MARCKSL1: variants seen among roughly 807,000 people sequenced by gnomAD.
MARCKSL1 encodes MARCKS like 1, also known as MARCKS-related protein.
MARCKSL1 carries 5 observed loss-of-function variants against 13.3 expected under a neutral mutation model. The ratio of observed to expected loss-of-function variants is 0.38; its 90% confidence interval spans 0.20 to 0.79. The LOEUF is 0.79. MARCKSL1 is among the 30% of genes least tolerant of loss of function. The probability of loss-of-function intolerance (pLI) is 0.45; values close to 1 mark genes in which losing one functional copy is unlikely to be tolerated. For missense variants in MARCKSL1, 274 were observed against 251.6 expected (o/e 1.09, Z -0.60); for synonymous variants, 126 against 103.2 (o/e 1.22, Z -1.34).
In MARCKSL1 at chr1:32,335,179, C is replaced by T. The variant is rs1641365834; in HGVS notation, c.88-82G>A. 7.3e-6 allele frequency: 10 copies of T among 1,368,750 alleles called. No individual in the cohort carries two copies. Among genetic ancestry groups the T allele is most frequent in the Middle Eastern group, 2.0e-4 (1 of 5,120 alleles). 84.8% of individuals were successfully genotyped at this position (1,368,750 alleles called of 1,614,324 possible). ...TCTGATCCCTTCTAGAGGAAGGGGT[C>T]CTCGATTCGATTCTACTGCAACCCG... is the stretch of plus-strand genomic sequence containing the variant. On this transcript the variant is annotated intron_variant, in intron 1 of 1. Transcript: ENST00000329421. This position sits in a 1 kb window ranked among gnomAD's most constrained non-coding sequence, Gnocchi z 4.1.
chr1:32,334,643 C>G lies in MARCKSL1; in HGVS notation c.542G>C (p.Gly181Ala), dbSNP rs1641352628. 6.2e-7 allele frequency: 1 copy of G among 1,600,084 alleles called. No homozygotes were observed. Among genetic ancestry groups the G allele is most frequent in the Non-Finnish European group, 8.5e-7 (1 of 1,173,310 alleles). ...GGCTGGTGTAGGGCCACTCTCCGGC[C>G]CCGAGGGAGTGGATGGCTCTGTAGC... The part of the protein sequence containing the change: ...PQATEPSTPS[G>A]PESGPTPASA... Residue 181 changes from glycine to alanine, a missense_variant, in exon 2 of 2, where the codon GGG becomes GCG. Physicochemically the swap from Gly to Ala is moderately conservative, Grantham distance 60 (BLOSUM62 0). Transcript: ENST00000329421.
Position 32,334,560 on chromosome 1 carries a change from T to C in MARCKSL1, c.*37A>G, listed in dbSNP as rs1641350536. On this transcript the variant is annotated 3_prime_UTR_variant, in exon 2 of 2. Coordinates refer to ENST00000329421, the MANE Select transcript of MARCKSL1 (RefSeq NM_023009.7). ...GTGACCTCACAAGGACAGCACAGTT[T>C]TTGCAGCTTAGAGATCACCCACCTG... is the stretch of plus-strand genomic sequence containing the variant. 3.3e-6 allele frequency: 5 copies of C among 1,506,660 alleles called. No homozygotes were observed. In the African/African-American group the frequency reaches 5.6e-5, roughly 17 times the overall value. 93.3% of individuals were successfully genotyped at this position (1,506,660 alleles called of 1,614,324 possible). A position where few individuals can be genotyped will look rare whatever the true frequency, so the allele number is the denominator to read the frequency against.
Position 32,334,970 on chromosome 1 carries a change from T to A in MARCKSL1, c.215A>T (p.Gln72Leu). The change falls in exon 2 of 2, where the codon CAG becomes CTG. Residue 72 changes from glutamine to leucine, a missense_variant. Physicochemically the swap from Gln to Leu is moderately radical, Grantham distance 113. Coordinates refer to ENST00000329421, the MANE Select transcript of MARCKSL1 (RefSeq NM_023009.7). ...GDAIEPAPPS[Q>L]GAEAKGEVPP... The stretch of plus-strand genomic sequence containing the variant: ...GACCTCCCCCTTGGCCTCAGCACCC[T>A]GGCTAGGGGGTGCTGGCTCGATGGC... 1 of 1,612,500 alleles carries A rather than the reference T, an allele frequency of 6.2e-7. No homozygotes were observed. The highest frequency in any genetic ancestry group is 1.7e-5 in the Admixed American group (1 of 59,882).
chr1:32,334,714 C>G lies in MARCKSL1; in HGVS notation c.471G>C (p.Lys157Asn). The G allele has an allele frequency of 1.2e-6, 2 of 1,612,708 alleles. No individual in the cohort carries two copies. Among genetic ancestry groups the G allele is most frequent in the African/African-American group, 1.3e-5 (1 of 74,996 alleles). ...CTGAGGCTGCACTAGCCTCTGCCCC[C>G]TTGGCCTGGGGTTCCTGGCTCTCAG... Reference protein sequence around the residue: ...ATPESQEPQAKGAEASAASEE... With the variant: ...ATPESQEPQANGAEASAASEE... Residue 157 changes from lysine (K) to asparagine (N), a missense_variant, in exon 2 of 2, where the codon AAG becomes AAC. Coordinates refer to ENST00000329421, the MANE Select transcript of MARCKSL1 (RefSeq NM_023009.7).
rs754582850 is a variant in MARCKSL1 at position 32,335,973 on chromosome 1, C to T, written c.61G>A (p.Ala21Thr). 1.5e-6 allele frequency: 2 copies of T among 1,294,754 alleles called. No homozygotes were observed. The highest frequency in any genetic ancestry group is 3.1e-5 in the South Asian group (1 of 32,568). 80.2% of individuals were successfully genotyped at this position (1,294,754 alleles called of 1,614,324 possible). A position where few individuals can be genotyped will look rare whatever the true frequency, so the allele number is the denominator to read the frequency against. ...TGGCCGTTGGCCTTCGCGGGGGAAG[C>T]GCCTGCTGCCTCCTCGGCGGTCACG... ...GDVTAEEAAG[A>T]SPAKANGQEN... is the part of the protein sequence containing the mutation. Residue 21 changes from alanine (A) to threonine (T), a missense_variant, in exon 1 of 2, where the codon GCT becomes ACT. Physicochemically the swap from Ala to Thr is moderately conservative, Grantham distance 58. Transcript: ENST00000329421. The surrounding 1 kb of genome is among the most constrained non-coding windows in gnomAD (Gnocchi z 4.1).
At position 32,335,965 on chromosome 1, in the gene MARCKSL1, G is replaced by T. The variant is rs765921559; in HGVS notation, c.69C>A (p.Pro23=). The change falls in exon 1 of 2, where the codon CCC becomes CCA. Residue 23 remains proline (P), a synonymous_variant. Transcript: ENST00000329421. This position sits in a 1 kb window ranked among gnomAD's most constrained non-coding sequence, Gnocchi z 4.1. ...VTAEEAAGAS[P]AKANGQENGH... is the part of the protein sequence containing the mutation. ...TACCCACCTGGCCGTTGGCCTTCGC[G>T]GGGGAAGCGCCTGCTGCCTCCTCGG... 4 of 1,293,544 alleles carry T rather than the reference G, an allele frequency of 3.1e-6. No individual in the cohort carries two copies. Among genetic ancestry groups the T allele is most frequent in the Non-Finnish European group, 3.9e-6 (4 of 1,017,720 alleles). 80.1% of individuals were successfully genotyped at this position (1,293,544 alleles called of 1,614,324 possible). A position where few individuals can be genotyped will look rare whatever the true frequency, so the allele number is the denominator to read the frequency against.
rs1375341254 is a variant in MARCKSL1 at position 32,335,915 on chromosome 1, G to A, written c.87+32C>T. On this transcript the variant is annotated intron_variant, in intron 1 of 1. Transcript: ENST00000329421. This position sits in a 1 kb window ranked among gnomAD's most constrained non-coding sequence, Gnocchi z 4.1. ...TAGAAGGGGCGAGGTGCGAGAGGAGGGGCTGGGGCCGGCCGGGCCAAGCGT... is the reference window on the plus strand; with the variant it reads ...TAGAAGGGGCGAGGTGCGAGAGGAGAGGCTGGGGCCGGCCGGGCCAAGCGT... The A allele has an allele frequency of 5.6e-6, 7 of 1,250,586 alleles. No homozygotes were observed. The Admixed American group carries it at 1.9e-4, about 34-fold the overall frequency. The allele number at this position is 1,250,586 out of a possible 1,614,324, so 77.5% of individuals were successfully genotyped here.
rs1457489171 is a variant in MARCKSL1 at position 32,335,334 on chromosome 1, C to A, written c.88-237G>T. 1.3e-5 allele frequency among the ~76,000 whole-genome samples: 2 copies of A among 152,058 alleles called. No individual in the cohort carries two copies. Among genetic ancestry groups the A allele is most frequent in the Non-Finnish European group, 2.9e-5 (2 of 67,952 alleles). ...GGAGGCGCTGGGGTCCCGTGGCCCCCACCCCCGTCCCCCGGGGCGCGCTCT... is the reference window on the plus strand; with the variant it reads ...GGAGGCGCTGGGGTCCCGTGGCCCCAACCCCCGTCCCCCGGGGCGCGCTCT... On this transcript the variant is annotated intron_variant, in intron 1 of 1. Coordinates refer to ENST00000329421, the MANE Select transcript of MARCKSL1 (RefSeq NM_023009.7). This position sits in a 1 kb window ranked among gnomAD's most constrained non-coding sequence, Gnocchi z 4.1.
Position 32,334,568 on chromosome 1 carries a change from T to C in MARCKSL1, c.*29A>G, listed in dbSNP as rs772482165. On this transcript the variant is annotated 3_prime_UTR_variant, in exon 2 of 2. Transcript: ENST00000329421. ...ACAAGGACAGCACAGTTTTTGCAGC[T>C]TAGAGATCACCCACCTGCCCCTACC... 2 of 1,515,066 alleles carry C rather than the reference T, an allele frequency of 1.3e-6. No homozygotes were observed. The highest frequency in any genetic ancestry group is 1.8e-6 in the Non-Finnish European group (2 of 1,132,628). 93.9% of individuals were successfully genotyped at this position (1,515,066 alleles called of 1,614,324 possible).
Position 32,335,971 on chromosome 1 carries a change from AGCGCCTGCT to A in MARCKSL1, c.54_62del (p.Ala19_Ala21del), listed in dbSNP as rs779392724. The A allele has an allele frequency of 2.3e-6, 3 of 1,292,306 alleles. No homozygotes were observed. The South Asian group carries it at 9.2e-5, about 40-fold the overall frequency. 80.1% of individuals were successfully genotyped at this position (1,292,306 alleles called of 1,614,324 possible). On this transcript the variant is annotated inframe_deletion, in exon 1 of 2. Coordinates refer to ENST00000329421, the MANE Select transcript of MARCKSL1 (RefSeq NM_023009.7). This position sits in a 1 kb window ranked among gnomAD's most constrained non-coding sequence, Gnocchi z 4.1. ...CCTGGCCGTTGGCCTTCGCGGGGGA[AGCGCCTGCT>A]GCCTCCTCGGCGGTCACGTCGCCCC...
chr1:32,335,871 C>A lies in MARCKSL1; in HGVS notation c.87+76G>T. 2 of 872,194 alleles carry A rather than the reference C, an allele frequency of 2.3e-6. No individual in the cohort carries two copies. The highest frequency in any genetic ancestry group is 1.5e-6 in the Non-Finnish European group (1 of 661,302). The allele number at this position is 872,194 out of a possible 1,614,324, so 54.0% of individuals were successfully genotyped here. On this transcript the variant is annotated intron_variant, in intron 1 of 1. Transcript: ENST00000329421. This position sits in a 1 kb window ranked among gnomAD's most constrained non-coding sequence, Gnocchi z 4.1. ...CCGGGCCGGACAAAGCGCGCGGCCC[C>A]GGCCCCGGCCCCGGGCCCTAGAAGG...
rs1411644035 is a variant in MARCKSL1 at position 32,334,583 on chromosome 1, C to CT, written c.*13dup. ...TTTTTGCAGCTTAGAGATCACCCACCTGCCCCTACCTAGCTACTCATTCTG... is the reference window on the plus strand; with the variant it reads ...TTTTTGCAGCTTAGAGATCACCCACCTTGCCCCTACCTAGCTACTCATTCTG... On this transcript the variant is annotated 3_prime_UTR_variant, in exon 2 of 2. Coordinates refer to ENST00000329421, the MANE Select transcript of MARCKSL1 (RefSeq NM_023009.7). 3 of 1,522,396 alleles carry CT rather than the reference C, an allele frequency of 2.0e-6. No individual in the cohort carries two copies. Among genetic ancestry groups the CT allele is most frequent in the Middle Eastern group, 2.4e-4 (1 of 4,192 alleles). The allele number at this position is 1,522,396 out of a possible 1,614,324, so 94.3% of individuals were successfully genotyped here. A position where few individuals can be genotyped will look rare whatever the true frequency, so the allele number is the denominator to read the frequency against.
At position 32,334,470 on chromosome 1, in the gene MARCKSL1, GGGA is replaced by G; in HGVS notation, c.*124_*126del. The G allele has an allele frequency of 8.8e-7, 1 of 1,142,382 alleles. No homozygotes were observed. Among genetic ancestry groups the G allele is most frequent in the Non-Finnish European group, 1.2e-6 (1 of 832,370 alleles). The allele number at this position is 1,142,382 out of a possible 1,614,324, so 70.8% of individuals were successfully genotyped here. On this transcript the variant is annotated 3_prime_UTR_variant, in exon 2 of 2. Transcript: ENST00000329421. ...GGAGAGGAGGAAAGGGAACGTGGCT[GGGA>G]GGAGGCAATAGCCCCTTCCTTTCTG...
chr1:32,335,753 G>A lies in MARCKSL1; in HGVS notation c.87+194C>T, dbSNP rs1641380118. Among the ~76,000 whole-genome samples, 1 of 150,866 alleles carries A rather than the reference G, an allele frequency of 6.6e-6. No individual in the cohort carries two copies. Among genetic ancestry groups the A allele is most frequent in the Admixed American group, 6.6e-5 (1 of 15,178 alleles). On this transcript the variant is annotated intron_variant, in intron 1 of 1. Coordinates refer to ENST00000329421, the MANE Select transcript of MARCKSL1 (RefSeq NM_023009.7). This position sits in a 1 kb window ranked among gnomAD's most constrained non-coding sequence, Gnocchi z 4.1. ...ACAAAGAAGGCGGCAGGGCCCGGCCGGCGCCCCCTCCCCGCCCCTCCCCTC... is the reference window on the plus strand; with the variant it reads ...ACAAAGAAGGCGGCAGGGCCCGGCCAGCGCCCCCTCCCCGCCCCTCCCCTC...
Position 32,336,207 on chromosome 1 carries a change from C to T in MARCKSL1, c.-174G>A, listed in dbSNP as rs886752608. 1.8e-5 allele frequency: 6 copies of T among 333,322 alleles called. No homozygotes were observed. In the East Asian group the frequency reaches 2.3e-4, roughly 13 times the overall value. The allele number at this position is 333,322 out of a possible 1,614,324, so 20.6% of individuals were successfully genotyped here. ...CGGCCGACCCGCTAGCTGCGCCCGC[C>T]GCCGCTCCGCTCCGCGCCAGAATGC... On this transcript the variant is annotated 5_prime_UTR_variant, in exon 1 of 2. Transcript: ENST00000329421.
At position 32,333,923 on chromosome 1, in the gene MARCKSL1, AAAG is replaced by A. The variant is rs1284427120; in HGVS notation, c.*671_*673del. ...GGTTTTAGCAGTTAGAAAAAAAAAA[AAAG>A]TACAAATCTGGGGTTTGGCCATTAA... On this transcript the variant is annotated 3_prime_UTR_variant, in exon 2 of 2. Transcript: ENST00000329421. 1.3e-5 allele frequency: 2 copies of A among 152,658 alleles called. No individual in the cohort carries two copies. The highest frequency in any genetic ancestry group is 2.9e-5 in the Non-Finnish European group (2 of 68,054). The allele number at this position is 152,658 out of a possible 1,614,324, so 9.5% of individuals were successfully genotyped here.
rs1368012660 is a variant in MARCKSL1 at position 32,334,249 on chromosome 1, G to A, written c.*348C>T. 1.0e-5 allele frequency: 2 copies of A among 200,516 alleles called. No homozygotes were observed. The highest frequency in any genetic ancestry group is 2.3e-5 in the African/African-American group (1 of 43,266). The allele number at this position is 200,516 out of a possible 1,614,324, so 12.4% of individuals were successfully genotyped here. ...CTGGCTCAGGGATTTGGGGAGTAGG[G>A]TAAACAAAACCTACTTGGAAAAGAA... is the stretch of plus-strand genomic sequence containing the variant. On this transcript the variant is annotated 3_prime_UTR_variant, in exon 2 of 2. Coordinates refer to ENST00000329421, the MANE Select transcript of MARCKSL1 (RefSeq NM_023009.7).
chr1:32,334,737 CAG>C lies in MARCKSL1; in HGVS notation c.446_447del (p.Pro149ArgfsTer13), dbSNP rs752784921. 3.7e-6 allele frequency: 6 copies of C among 1,612,246 alleles called. No homozygotes were observed. The highest frequency in any genetic ancestry group is 2.2e-5 in the East Asian group (1 of 44,884). On this transcript the variant is annotated frameshift_variant, in exon 2 of 2. Coordinates refer to ENST00000329421, the MANE Select transcript of MARCKSL1 (RefSeq NM_023009.7). LOFTEE classifies it high-confidence loss of function. ...CCCTTGGCCTGGGGTTCCTGGCTCTCAGGGGTGGCTGCGGCCTTCCCTTCCTG... is the reference window on the plus strand; with the variant it reads ...CCCTTGGCCTGGGGTTCCTGGCTCTCGGGTGGCTGCGGCCTTCCCTTCCTG... ...TAQEGKAAAT[P>X]ESQEPQAKGA...
In MARCKSL1 at chr1:32,335,146, A is replaced by G; in HGVS notation, c.88-49T>C. On this transcript the variant is annotated intron_variant, in intron 1 of 1. Transcript: ENST00000329421. The surrounding 1 kb of genome is among the most constrained non-coding windows in gnomAD (Gnocchi z 4.1). ...TGAGGGCAGGGGCTCCCCCTCCCCC[A>G]GCCCGCTTCTGATCCCTTCTAGAGG... is the stretch of plus-strand genomic sequence containing the variant. 6.7e-7 allele frequency: 1 copy of G among 1,494,216 alleles called. No individual in the cohort carries two copies. The highest frequency in any genetic ancestry group is 1.4e-5 in the South Asian group (1 of 71,424). 92.6% of individuals were successfully genotyped at this position (1,494,216 alleles called of 1,614,324 possible).
Sources: gnomAD v4.1 joint callset for allele counts (sites outside exome capture counted in the v4.1 genomes callset) on GRCh38, gnomAD v4.1.1 for gene constraint, Gnocchi (gnomAD v3.1) non-coding constraint, MANE v1.5 for transcripts, NCBI Gene and HGNC (gene_info 2026-07-23, HGNC 2026-07-21) for gene names.